Variants in RAPH1 observed in about 807,000 individuals in gnomAD.
RAPH1 encodes the protein Ras association (RalGDS/AF-6) and pleckstrin homology domains 1.
In RAPH1, 18 loss-of-function variants were observed where a neutral mutation model predicts 88.1. The ratio of observed to expected loss-of-function variants is 0.20; its 90% CI spans 0.14 to 0.30. The LOEUF (loss-of-function observed/expected upper bound fraction) is 0.30. Among genes scored for constraint, RAPH1 ranks in the 10% least tolerant of loss-of-function variants. The pLI is 1.00. For missense variants in RAPH1, 1,448 were observed against 1,543.2 expected (o/e 0.94, Z 1.03); for synonymous variants, 587 against 559.0 (o/e 1.05, Z -0.71).
At chr2:203,522,474 C>T (rs1689927290) in intron 1 of RAPH1, among the ~76,000 whole-genome samples, 1 of 152,132 alleles carries the variant, frequency 6.6e-6, no homozygotes, top group Admixed American at 6.5e-5. Flanking sequence ...ATTATCAATG[C>T]CTATTCTCCC....
intron 7 of RAPH1, among the ~76,000 whole-genome samples, chr2:203,457,952 T>A (rs1399432213): frequency 6.6e-6 from 1 of 152,208 alleles, no homozygotes; most frequent in Non-Finnish European, 1.5e-5. Flanking sequence ...GTACAACAAG[T>A]AAGGCAAATT....
intron 1 of RAPH1, among the ~76,000 whole-genome samples, chr2:203,530,907 T>A (rs964944162): frequency 2.4e-4 from 36 of 150,302 alleles, no homozygotes; most frequent in African/African-American, 8.3e-4. Context: ...AAAAAAAAAA[T>A]TATATACACA....
chr2:203,519,145 T>A (rs1319691797), intron 1 of RAPH1, among the ~76,000 whole-genome samples: 1 of 152,138 alleles, frequency 6.6e-6, no homozygotes, highest in East Asian at 1.9e-4. Context: ...ACATAGTAAC[T>A]CATGAGCCAG....
At chr2:203,469,289 C>T (rs1450516536) in intron 4 of RAPH1, among the ~76,000 whole-genome samples, 1 of 152,116 alleles carries the variant, frequency 6.6e-6, no homozygotes, top group African/African-American at 2.4e-5. Flanking sequence ...TCTACACTTC[C>T]CTGATCTTTA....
intron 1 of RAPH1, among the ~76,000 whole-genome samples, chr2:203,504,601 T>TTTTCCCC (rs1559492441): frequency 6.6e-6 from 1 of 151,774 alleles, no homozygotes; most frequent in African/African-American, 2.4e-5. Flanking sequence ...ACATTTTCCC[T>TTTTCCCC]GGTCTTGGGG....
At chr2:203,525,461 G>C (rs977704778) in intron 1 of RAPH1, among the ~76,000 whole-genome samples, 9 of 152,094 alleles carry the variant, frequency 5.9e-5, no homozygotes, top group African/African-American at 1.9e-4. Context: ...GGGATTACAG[G>C]TGTGAGCCAC....
At chr2:203,444,605 A>G in intron 13 of RAPH1, 1 of 418,256 alleles carries the variant, frequency 2.4e-6, no homozygotes. Flanking sequence ...CACTGATGAA[A>G]GAATTAAACT....
In RAPH1 at chr2:203,448,736, G is replaced by A. The variant is rs575599897; in HGVS notation, c.1512+2C>T. On this transcript the variant is annotated splice_donor_variant, in intron 11 of 13. Coordinates refer to ENST00000319170, the MANE Select transcript of RAPH1 (RefSeq NM_213589.3). LOFTEE classifies it low-confidence loss of function (GC_TO_GT_DONOR). The surrounding 1 kb of genome is among the most constrained non-coding windows in gnomAD (Gnocchi z 4.1). ...CCATCATCAAATCAAAAGGAGACAT[G>A]CCTTTGCAATGCGGATCCCATTGAC... 4 of 1,578,890 alleles carry A rather than the reference G, an allele frequency of 2.5e-6. No homozygotes were observed. The highest frequency in any genetic ancestry group is 2.3e-5 in the South Asian group (2 of 87,064).
intron 4 of RAPH1, among the ~76,000 whole-genome samples, chr2:203,463,386 A>G (rs1278432113): frequency 2.0e-5 from 3 of 152,214 alleles, no homozygotes; most frequent in Non-Finnish European, 4.4e-5. Flanking sequence ...GAGAAACTCA[A>G]TTCAGTTCAT....
intron 1 of RAPH1, among the ~76,000 whole-genome samples, chr2:203,513,048 G>A (rs1040922926): frequency 2.6e-5 from 4 of 152,100 alleles, no homozygotes; most frequent in African/African-American, 7.2e-5. Context: ...AATTGAAAAC[G>A]TTAGTTTAAT....
In RAPH1 at chr2:203,438,070, C is replaced by G. The variant is rs369649641; in HGVS notation, c.*1367G>C. 3 of 498,874 alleles carry G rather than the reference C, an allele frequency of 6.0e-6. No individual in the cohort carries two copies. The highest frequency in any genetic ancestry group is 1.9e-5 in the African/African-American group (1 of 51,498). 30.9% of individuals were successfully genotyped at this position (498,874 alleles called of 1,614,324 possible). On this transcript the variant is annotated 3_prime_UTR_variant, in exon 14 of 14. Transcript: ENST00000319170. Reference sequence around the variant, plus strand: ...TTAGAGCACTGACTCCACGTTATACCAAACTGCACACGCATAAAACGTAAT... The same window carrying G: ...TTAGAGCACTGACTCCACGTTATACGAAACTGCACACGCATAAAACGTAAT...
intron 7 of RAPH1, among the ~76,000 whole-genome samples, chr2:203,459,077 GC>G (rs2098522253): frequency 6.6e-6 from 1 of 151,680 alleles, no homozygotes; most frequent in Non-Finnish European, 1.5e-5. Context: ...CACCGTGTTA[GC>G]CAGGATGGTC....
intron 4 of RAPH1, chr2:203,477,271 C>T: frequency 1.3e-6 from 1 of 759,720 alleles, no homozygotes; most frequent in Non-Finnish European, 2.2e-6. Flanking sequence ...AGTAATGAAA[C>T]AAAATAGTAA....
In RAPH1 at chr2:203,442,143, C is replaced by G. The variant is rs1581247147; in HGVS notation, c.1777-730G>C. The G allele has an allele frequency of 1.1e-5, 16 of 1,464,694 alleles. No individual in the cohort carries two copies. The East Asian group carries it at 4.0e-4, about 36-fold the overall frequency. The allele number at this position is 1,464,694 out of a possible 1,614,324, so 90.7% of individuals were successfully genotyped here. On this transcript the variant is annotated intron_variant, in intron 13 of 13. Transcript: ENST00000319170. The stretch of plus-strand genomic sequence containing the variant: ...AGCAAAAGACTGTAAAAATATCATA[C>G]AGAAAAAGCCAGAAGAAATTAAGAG...
chr2:203,528,864 T>A (rs112598747), intron 1 of RAPH1, among the ~76,000 whole-genome samples: 1 of 151,170 alleles, frequency 6.6e-6, no homozygotes, highest in Non-Finnish European at 1.5e-5. Flanking sequence ...CAAGAAATAA[T>A]TATCCTTTAT....
intron 4 of RAPH1, among the ~76,000 whole-genome samples, chr2:203,470,982 T>C (rs2098532542): frequency 6.6e-6 from 1 of 152,214 alleles, no homozygotes. Context: ...CACACTTAAA[T>C]TAATTCAAGT....
intron 1 of RAPH1, among the ~76,000 whole-genome samples, chr2:203,530,180 G>A (rs1690326951): frequency 6.6e-6 from 1 of 152,128 alleles, no homozygotes; most frequent in Admixed American, 6.5e-5. Flanking sequence ...AGCAAGAAGA[G>A]CATATGAAAA....
At chr2:203,473,658 T>A (rs1490256392) in intron 4 of RAPH1, among the ~76,000 whole-genome samples, 1 of 152,124 alleles carries the variant, frequency 6.6e-6, no homozygotes, top group Non-Finnish European at 1.5e-5. Flanking sequence ...TTTAGAAATA[T>A]ATTTTAAACG....
At chr2:203,526,016 A>G (rs1422858200) in intron 1 of RAPH1, among the ~76,000 whole-genome samples, 1 of 148,284 alleles carries the variant, frequency 6.7e-6, no homozygotes, top group East Asian at 1.9e-4. Flanking sequence ...TACTATGGAC[A>G]TGAAAAAACT....
Sources: allele counts gnomAD v4.1 joint callset (sites outside exome capture counted in the v4.1 genomes callset), GRCh38; gene constraint gnomAD v4.1.1; non-coding constraint Gnocchi (gnomAD v3.1); transcripts MANE v1.5; gene names NCBI Gene and HGNC (gene_info 2026-07-23, HGNC 2026-07-21).